The following COL5A1 variants were observed in gnomAD, a reference collection of about 807,000 sequenced individuals.
COL5A1 encodes the protein collagen type V alpha 1 chain.
In COL5A1, 16 loss-of-function variants were observed where a neutral mutation model predicts 263.7. The ratio of observed to expected loss-of-function variants is 0.06; its 90% CI spans 0.04 to 0.09. The LOEUF (loss-of-function observed/expected upper bound fraction) is 0.09, where lower values mean the gene tolerates loss of function less well. COL5A1 is among the 10% of genes least tolerant of loss of function. The pLI is 1.00. For missense variants in COL5A1, 2,036 were observed against 2,540.5 expected, an observed-to-expected ratio of 0.80 and a Z score of 4.27; for synonymous variants, 1,012 against 1,004.5, an observed-to-expected ratio of 1.01 and a Z score of -0.14.
At chr9:134,712,783 G>T (rs1390946797) in intron 4 of COL5A1, among the ~76,000 whole-genome samples, 6 of 151,510 alleles carry the variant, frequency 4.0e-5, no homozygotes, top group Non-Finnish European at 7.4e-5. Flanking sequence ...GTTCAACCCT[G>T]AGTTGCTGCT....
At chr9:134,778,345 C>T (rs1471705431) in intron 27 of COL5A1, among the ~76,000 whole-genome samples, 2 of 152,396 alleles carry the variant, frequency 1.3e-5, no homozygotes, top group African/African-American at 2.4e-5. Flanking sequence ...CAAGCGCGTG[C>T]TGTGCTCAGT....
intron 19 of COL5A1, among the ~76,000 whole-genome samples, chr9:134,763,058 T>C (rs1836522693): frequency 6.6e-6 from 1 of 152,110 alleles, no homozygotes; most frequent in Admixed American, 6.5e-5. Context: ...CATGTGAGCA[T>C]GGCTGTGTAT....
In COL5A1 at chr9:134,794,419, C is replaced by T. The variant is rs1230504940; in HGVS notation, c.2701-663C>T. 2.6e-5 allele frequency among the ~76,000 whole-genome samples: 4 copies of T among 152,110 alleles called. No homozygotes were observed. Among genetic ancestry groups the T allele is most frequent in the East Asian group, 1.9e-4 (1 of 5,196 alleles). On this transcript the variant is annotated intron_variant, in intron 32 of 65. Coordinates refer to ENST00000371817, the MANE Select transcript of COL5A1 (RefSeq NM_000093.5). The surrounding 1 kb of genome is among the most constrained non-coding windows in gnomAD (Gnocchi z 4.3). The stretch of plus-strand genomic sequence containing the variant: ...TGTAGGGGCCCCTGCGTGTTCAGCC[C>T]GTGGCTTCCGTGTAATGTAGCTTAA...
At chr9:134,671,848 T>C (rs1832548051) in intron 1 of COL5A1, among the ~76,000 whole-genome samples, 1 of 152,264 alleles carries the variant, frequency 6.6e-6, no homozygotes, top group Non-Finnish European at 1.5e-5. Flanking sequence ...GCAAGTGCTG[T>C]CCGATGCCAG....
At chr9:134,761,790 T>C (rs1836453234) in intron 18 of COL5A1, 135 bp from the exon 19 acceptor site, 1 of 900,638 alleles carries the variant, frequency 1.1e-6, no homozygotes, top group Non-Finnish European at 1.9e-6. Context: ...CTAAGGAAAA[T>C]TCCCCCATTC....
chr9:134,772,907 C>T (rs1228512407), intron 26 of COL5A1, 73 bp downstream of exon 26: 4 of 1,450,348 alleles, frequency 2.8e-6, no homozygotes, highest in African/African-American at 1.4e-5. Context: ...GGCTCAGCCT[C>T]TGCTCAGGGA....
At chr9:134,651,691 C>T (rs990149983) in intron 1 of COL5A1, among the ~76,000 whole-genome samples, 2 of 152,192 alleles carry the variant, frequency 1.3e-5, no homozygotes, top group East Asian at 1.9e-4. Context: ...TGGGGAGAGC[C>T]GGCCCGTTGC....
In COL5A1 at chr9:134,757,307, C is replaced by G. The variant is rs1281532564; in HGVS notation, c.1881+489C>G. ...ACTCATGCCTGCCCGCTGCTGTGCT[C>G]AGTGTATCCACCCCTCTGCCCCAGC... On this transcript the variant is annotated intron_variant, in intron 17 of 65. Transcript: ENST00000371817. The surrounding 1 kb of genome is among the most constrained non-coding windows in gnomAD (Gnocchi z 6.2). 6.6e-6 allele frequency among the ~76,000 whole-genome samples: 1 copy of G among 152,190 alleles called. No homozygotes were observed. The highest frequency in any genetic ancestry group is 1.5e-5 in the Non-Finnish European group (1 of 68,042).
Position 134,765,658 on chromosome 9 carries a change from C to T in COL5A1, c.2035-23C>T, listed in dbSNP as rs756172144. On this transcript the variant is annotated intron_variant, in intron 20 of 65. Transcript: ENST00000371817. The surrounding 1 kb of genome is among the most constrained non-coding windows in gnomAD (Gnocchi z 5.1). Reference sequence around the variant, plus strand: ...TGGGATTTCTGCCCGAGTTTAAATCCTATTTTCCCTTTCCTCTTACAGGGG... The same window carrying T: ...TGGGATTTCTGCCCGAGTTTAAATCTTATTTTCCCTTTCCTCTTACAGGGG... 3 of 1,610,924 alleles carry T rather than the reference C, an allele frequency of 1.9e-6. No individual in the cohort carries two copies. The highest frequency in any genetic ancestry group is 2.7e-5 in the African/African-American group (2 of 74,860).
intron 8 of COL5A1, 118 bp downstream of exon 8, chr9:134,731,781 C>G: frequency 8.7e-7 from 1 of 1,155,646 alleles, no homozygotes. Flanking sequence ...AAGTGTTACA[C>G]CCTATTCCCA....
intron 5 of COL5A1, among the ~76,000 whole-genome samples, chr9:134,727,883 G>A (rs1264664401): frequency 2.0e-5 from 3 of 152,174 alleles, no homozygotes; most frequent in Non-Finnish European, 4.4e-5. Context: ...CCTGGGACCC[G>A]CCATGTCCAT....
intron 23 of COL5A1, 31 bp downstream of exon 23, chr9:134,767,084 G>T (rs1836699528): frequency 6.2e-7 from 1 of 1,609,972 alleles, no homozygotes; most frequent in South Asian, 1.1e-5. Flanking sequence ...CAGCTCGCAG[G>T]GATCCGGCCG....
chr9:134,733,851 T>C (rs1277947603), intron 9 of COL5A1, among the ~76,000 whole-genome samples: 5 of 152,230 alleles, frequency 3.3e-5, no homozygotes, highest in Non-Finnish European at 5.9e-5. Flanking sequence ...TTCCCCAGAC[T>C]TGGCCCCCAG....
At chr9:134,726,535 G>A (rs2132630894) in intron 4 of COL5A1, among the ~76,000 whole-genome samples, 1 of 152,070 alleles carries the variant, frequency 6.6e-6, no homozygotes, top group East Asian at 1.9e-4. Flanking sequence ...TGTGCAGATG[G>A]ATGGATGCAT....
At chr9:134,746,909 A>G (rs1417537779) in intron 11 of COL5A1, among the ~76,000 whole-genome samples, 1 of 152,364 alleles carries the variant, frequency 6.6e-6, no homozygotes, top group East Asian at 1.9e-4. Flanking sequence ...GTCGCAGACA[A>G]CAGCCACATC....
rs374573432 is a variant in COL5A1, at chr9:134,681,157, G to T, written c.110-9755G>T. On this transcript the variant is annotated intron_variant, in intron 1 of 65. Transcript: ENST00000371817. The surrounding 1 kb of genome is among the most constrained non-coding windows in gnomAD (Gnocchi z 4.3). ...CCTCACTGATGAGGCCGCCTGCCTT[G>T]CAGGGAGGGCTGGGGTGGGGGGGCC... Among the ~76,000 whole-genome samples the T allele has an allele frequency of 3.9e-5, 6 of 152,204 alleles. No individual in the cohort carries two copies. Among genetic ancestry groups the T allele is most frequent in the African/African-American group, 1.4e-4 (6 of 41,456 alleles).
intron 1 of COL5A1, among the ~76,000 whole-genome samples, chr9:134,688,396 C>T (rs1833150883): frequency 6.6e-6 from 1 of 152,238 alleles, no homozygotes; most frequent in Non-Finnish European, 1.5e-5. Flanking sequence ...GTGTCATCTT[C>T]AGCAGGTGGA....
intron 4 of COL5A1, among the ~76,000 whole-genome samples, chr9:134,710,984 C>CCCCGTTTGTTGGGTGCAGTGGTGGAGAGG (rs1463473979): frequency 1.5e-5 from 2 of 136,648 alleles, no homozygotes; most frequent in Non-Finnish European, 3.2e-5. Flanking sequence ...GGGGGAGGGG[C>CCCCGTTTGTTGGGTGCAGTGGTGGAGAGG]CCCGTTTGTT....
rs553741878 is a variant in COL5A1 at position 134,651,648 on chromosome 9, G to A, written c.109+9352G>A. ...GCACACAATTAGGTCAGTCACTGGGGCCTGTTGTGGGGGTGACAGGCAAGC... is the reference window on the plus strand; with the variant it reads ...GCACACAATTAGGTCAGTCACTGGGACCTGTTGTGGGGGTGACAGGCAAGC... On this transcript the variant is annotated intron_variant, in intron 1 of 65. Coordinates refer to ENST00000371817, the MANE Select transcript of COL5A1 (RefSeq NM_000093.5). 3.9e-5 allele frequency among the ~76,000 whole-genome samples: 6 copies of A among 152,366 alleles called. No homozygotes were observed. In the East Asian group the frequency reaches 1.2e-3, roughly 29 times the overall value.
Sources: gnomAD v4.1 joint callset for allele counts (sites outside exome capture counted in the v4.1 genomes callset) on GRCh38, gnomAD v4.1.1 for gene constraint, Gnocchi (gnomAD v3.1) non-coding constraint, MANE v1.5 for transcripts, NCBI Gene and HGNC (gene_info 2026-07-23, HGNC 2026-07-21) for gene names.